The following ADAMTS3 variants were observed in gnomAD, a reference collection of about 807,000 sequenced individuals.
ADAMTS3 encodes the protein A disintegrin and metalloproteinase with thrombospondin motifs 3.
ADAMTS3 carries 73 observed loss-of-function variants against 129.0 expected under a neutral mutation model. The ratio of observed to expected loss-of-function variants is 0.57; its 90% CI spans 0.47 to 0.69. The LOEUF (loss-of-function observed/expected upper bound fraction) is 0.69. ADAMTS3 is among the 30% of genes least tolerant of loss of function. The probability of loss-of-function intolerance (pLI) is 0.00; values close to 1 mark genes in which losing one functional copy is unlikely to be tolerated. For synonymous variants in ADAMTS3, 477 were observed against 510.8 expected (o/e 0.93, Z 0.89); for missense variants, 1,457 against 1,514.5 (o/e 0.96, Z 0.63).
At chr4:72,453,402 T>G (rs532955036) in intron 3 of ADAMTS3, among the ~76,000 whole-genome samples, 1 of 151,890 alleles carries the variant, frequency 6.6e-6, no homozygotes, top group South Asian at 2.1e-4. Flanking sequence ...GTAACATTCA[T>G]TATTCCAAGT....
intron 15 of ADAMTS3, among the ~76,000 whole-genome samples, chr4:72,306,585 C>T (rs1719095256): frequency 6.6e-6 from 1 of 151,860 alleles, no homozygotes; most frequent in Non-Finnish European, 1.5e-5. Flanking sequence ...AAAGGAGTTA[C>T]AACAGAAAAA....
intron 4 of ADAMTS3, among the ~76,000 whole-genome samples, chr4:72,342,247 G>A (rs969130732): frequency 2.0e-5 from 3 of 152,078 alleles, no homozygotes; most frequent in Non-Finnish European, 4.4e-5. Flanking sequence ...CTAATGAAAG[G>A]CCACTAGGTT....
At chr4:72,355,893 G>T (rs903875532) in intron 4 of ADAMTS3, among the ~76,000 whole-genome samples, 1 of 151,968 alleles carries the variant, frequency 6.6e-6, no homozygotes, top group African/African-American at 2.4e-5. Context: ...CTCATACTAG[G>T]CTTATGATTT....
intron 3 of ADAMTS3, among the ~76,000 whole-genome samples, chr4:72,469,043 A>G (rs1718994736): frequency 6.6e-6 from 1 of 152,106 alleles, no homozygotes; most frequent in Non-Finnish European, 1.5e-5. Context: ...TACTACAATC[A>G]TATTAATTTA....
intron 3 of ADAMTS3, among the ~76,000 whole-genome samples, chr4:72,462,132 T>C (rs1175081681): frequency 6.6e-6 from 1 of 151,838 alleles, no homozygotes; most frequent in Non-Finnish European, 1.5e-5. Flanking sequence ...ATAATTGCTA[T>C]AAAAAATAAA....
chr4:72,433,412 T>C (rs1298465294), intron 3 of ADAMTS3, among the ~76,000 whole-genome samples: 3 of 151,936 alleles, frequency 2.0e-5, no homozygotes, highest in Non-Finnish European at 4.4e-5. Context: ...GGAGAAGGCA[T>C]ATCTATCAAA....
chr4:72,505,165 T>C (rs569362600), intron 3 of ADAMTS3, among the ~76,000 whole-genome samples: 5 of 152,184 alleles, frequency 3.3e-5, no homozygotes, highest in Non-Finnish European at 7.4e-5. Context: ...TTGTGCTAGT[T>C]CCTTATCATT....
intron 3 of ADAMTS3, among the ~76,000 whole-genome samples, chr4:72,514,106 A>T (rs1325523888): frequency 6.6e-6 from 1 of 151,766 alleles, no homozygotes; most frequent in Middle Eastern, 3.2e-3. Flanking sequence ...CTCTCTCAGT[A>T]ACGCCTCTCA....
Position 72,283,134 on chromosome 4 carries a change from T to G in ADAMTS3, c.*2A>C. 1 of 1,590,566 alleles carries G rather than the reference T, an allele frequency of 6.3e-7. No homozygotes were observed. The highest frequency in any genetic ancestry group is 1.3e-5 in the African/African-American group (1 of 74,084). ...GGTTTCTAGCCTTTTTGGTTCACTTTCTCATCTTTCTAAGGTGGATGATCT... is the reference window on the plus strand; with the variant it reads ...GGTTTCTAGCCTTTTTGGTTCACTTGCTCATCTTTCTAAGGTGGATGATCT... On this transcript the variant is annotated 3_prime_UTR_variant, in exon 22 of 22. Coordinates refer to ENST00000286657, the MANE Select transcript of ADAMTS3 (RefSeq NM_014243.3).
intron 3 of ADAMTS3, among the ~76,000 whole-genome samples, chr4:72,459,050 A>G (rs1419009271): frequency 2.6e-5 from 4 of 151,748 alleles, no homozygotes; most frequent in Non-Finnish European, 5.9e-5. Flanking sequence ...CTTCTGAAAA[A>G]CATTTTACAT....
chr4:72,371,441 GTAAATAAA>G (rs4019787), intron 4 of ADAMTS3, among the ~76,000 whole-genome samples: 97,911 of 148,608 alleles, frequency 0.66, 33,925 homozygotes, highest in Non-Finnish European at 0.77. Flanking sequence ...GACACTAAAA[GTAAATAAA>G]TAAATAAATA....
rs773336445 is a variant in ADAMTS3 at position 72,339,603 on chromosome 4, G to A, written c.752C>T (p.Ala251Val). 14 of 1,613,752 alleles carry A rather than the reference G, an allele frequency of 8.7e-6. No individual in the cohort carries two copies. In the African/African-American group the frequency reaches 1.1e-4, roughly 12 times the overall value. The change falls in exon 5 of 22, where the codon GCG becomes GTG. Residue 251 changes from alanine (A) to valine (V), a missense_variant. Ala to Val is a moderately conservative substitution (Grantham distance 64). Coordinates refer to ENST00000286657, the MANE Select transcript of ADAMTS3 (RefSeq NM_014243.3). ...LNETMRRRRHAGENDYNIEVL... is the reference protein window; with the variant it reads ...LNETMRRRRHVGENDYNIEVL... ...CTCGATATTGTAATCGTTTTCTCCC[G>A]CGTGTCTGCGGCGTCTCATTGTTTC...
chr4:72,507,162 A>AT (rs752875305), intron 3 of ADAMTS3, among the ~76,000 whole-genome samples: 33 of 152,246 alleles, frequency 2.2e-4, no homozygotes, highest in Middle Eastern at 3.4e-3. Context: ...ACTCAGGCCT[A>AT]TTTTTTATTT....
Position 72,319,724 on chromosome 4 carries a change from T to TCCG in ADAMTS3, c.1208+133_1208+134insCGG, listed in dbSNP as rs1719502246. 3 of 830,320 alleles carry TCCG rather than the reference T, an allele frequency of 3.6e-6. No homozygotes were observed. In the African/African-American group the frequency reaches 5.2e-5, roughly 14 times the overall value. The allele number at this position is 830,320 out of a possible 1,614,324, so 51.4% of individuals were successfully genotyped here. The stretch of plus-strand genomic sequence containing the variant: ...TTTCCGTGCATGACCTCTTCTCTGT[T>TCCG]TGCAGCTCTTCACACTTGGCAAAAG... On this transcript the variant is annotated intron_variant, in intron 8 of 21. Transcript: ENST00000286657.
chr4:72,320,005 A>C (rs1719512526), intron 7 of ADAMTS3, 42 bp from the exon 8 acceptor site: 1 of 1,546,484 alleles, frequency 6.5e-7, no homozygotes, highest in African/African-American at 1.4e-5. Flanking sequence ...TTTTATGAGA[A>C]AACCCATTAA....
At chr4:72,292,200 G>A (rs12509467) in intron 19 of ADAMTS3, among the ~76,000 whole-genome samples, 33,495 of 152,008 alleles carry the variant, frequency 0.22, 4,005 homozygotes, top group East Asian at 0.44. Context: ...TTCTCTCTTG[G>A]TCATGTCTAT....
intron 9 of ADAMTS3, 149 bp downstream of exon 9, chr4:72,319,183 T>C (rs1719485068): frequency 2.3e-6 from 2 of 871,290 alleles, no homozygotes; most frequent in Non-Finnish European, 3.4e-6. Flanking sequence ...GATAAAATTT[T>C]TGTGCTGAAT....
chr4:72,370,367 CATTTGCTTATTATATCA>C (rs1720973576), intron 4 of ADAMTS3, among the ~76,000 whole-genome samples: 1 of 151,052 alleles, frequency 6.6e-6, no homozygotes, highest in Non-Finnish European at 1.5e-5. Flanking sequence ...CTTATTATAT[CATTTGCTTATTATATCA>C]ATTTGCTTAT....
At chr4:72,370,927 C>A (rs140899608) in intron 4 of ADAMTS3, among the ~76,000 whole-genome samples, 3 of 152,026 alleles carry the variant, frequency 2.0e-5, no homozygotes, top group Admixed American at 2.0e-4. Flanking sequence ...TACTGATGTA[C>A]GCAAGATCAA....
Sources: gnomAD v4.1 joint callset for allele counts (sites outside exome capture counted in the v4.1 genomes callset) on GRCh38, gnomAD v4.1.1 for gene constraint, MANE v1.5 for transcripts, NCBI Gene and HGNC (gene_info 2026-07-23, HGNC 2026-07-21) for gene names.